The following CRYBG2 variants were observed in gnomAD, a reference collection of about 807,000 sequenced individuals.
CRYBG2 encodes the protein beta/gamma crystallin domain-containing protein 2.
Under a neutral mutation model 153.4 loss-of-function variants are expected in CRYBG2, and 106 were observed. The observed-to-expected ratio is 0.69, with a 90% CI of 0.59 to 0.81. CRYBG2 has a LOEUF of 0.81. Ranked by LOEUF, CRYBG2 falls within the 30% of genes least tolerant of loss-of-function variation. CRYBG2 has a pLI of 0.00. For synonymous variants in CRYBG2, 851 were observed against 877.8 expected, an observed-to-expected ratio of 0.97 and a Z score of 0.54; for missense variants, 1,996 against 2,112.0, an observed-to-expected ratio of 0.95 and a Z score of 1.08.
Position 26,346,539 on chromosome 1 carries a change from G to T in CRYBG2, c.119C>A (p.Ser40Tyr). 1 of 1,612,766 alleles carries T rather than the reference G, an allele frequency of 6.2e-7. No individual in the cohort carries two copies. The highest frequency in any genetic ancestry group is 1.1e-5 in the South Asian group (1 of 90,780). ...TTCCATCTGGGCCCCTGACACCAGG[G>T]ACACCTTGTGAAAACCATGTTTGAT... Reference protein sequence around the residue: ...EEIKHGFHKVSLVSGAQMEAP... With the variant: ...EEIKHGFHKVYLVSGAQMEAP... Residue 40 changes from serine (S) to tyrosine (Y), a missense_variant, in exon 2 of 20, where the codon TCC becomes TAC. Physicochemically the swap from Ser to Tyr is moderately radical, Grantham distance 144. Transcript: ENST00000308182. This position sits in a 1 kb window ranked among gnomAD's most constrained non-coding sequence, Gnocchi z 4.9.
intron 1 of CRYBG2, among the ~76,000 whole-genome samples, chr1:26,347,817 G>A (rs895816057): frequency 2.0e-5 from 3 of 152,098 alleles, no homozygotes; most frequent in African/African-American, 7.2e-5. Context: ...TGTACTTTGA[G>A]GTCTTGTTAT....
At chr1:26,335,308 C>T (rs190485198) in intron 14 of CRYBG2, among the ~76,000 whole-genome samples, 1 of 152,040 alleles carries the variant, frequency 6.6e-6, no homozygotes, top group African/African-American at 2.4e-5. Context: ...GAAACCCCAT[C>T]TCTACTAAAA....
rs371829026 is a variant in CRYBG2, at chr1:26,350,815, A to G, written c.-56+3221T>C. Among the ~76,000 whole-genome samples, 18 of 152,022 alleles carry G rather than the reference A, an allele frequency of 1.2e-4. No homozygotes were observed. The East Asian group carries it at 2.7e-3, about 23-fold the overall frequency. On this transcript the variant is annotated intron_variant, in intron 1 of 19. Coordinates refer to ENST00000308182, the MANE Select transcript of CRYBG2 (RefSeq NM_001039775.4). ...CAGCCCGAGTCTTTGGGCCTTCTCC[A>G]TGAGGTACCCTCCCCTCCCCAAGAG...
At chr1:26,337,163 G>A in intron 10 of CRYBG2, 90 bp downstream of exon 10, 1 of 1,578,940 alleles carries the variant, frequency 6.3e-7, no homozygotes, top group African/African-American at 1.3e-5. Flanking sequence ...AACACGGAGA[G>A]GGGGTACAAA....
chr1:26,336,825 A>G lies in CRYBG2; in HGVS notation c.3911+16T>C. ...TCGCCCGGGCCCGCCCCGCTCCCGG[A>G]GCCCGGGTCACTTACACGCCGCTGA... On this transcript the variant is annotated intron_variant, in intron 11 of 19. Transcript: ENST00000308182. This position sits in a 1 kb window ranked among gnomAD's most constrained non-coding sequence, Gnocchi z 4.9. The G allele has an allele frequency of 6.3e-7, 1 of 1,575,808 alleles. No individual in the cohort carries two copies. Among genetic ancestry groups the G allele is most frequent in the Non-Finnish European group, 8.6e-7 (1 of 1,162,632 alleles).
chr1:26,345,149 A>G lies in CRYBG2; in HGVS notation c.1509T>C (p.Ala503=). 1 of 1,136,852 alleles carries G rather than the reference A, an allele frequency of 8.8e-7. No individual in the cohort carries two copies. 70.4% of individuals were successfully genotyped at this position (1,136,852 alleles called of 1,614,324 possible). ...TWKEVVKGPG[A]PAASSPTQKE... ...TCTGGGTGGGAGATGAGGCAGCAGG[A>G]GCACCAGGGCCCTTCACGACCTCTT... is the stretch of plus-strand genomic sequence containing the variant. The change falls in exon 2 of 20, where the codon GCT becomes GCC. Residue 503 remains alanine, a synonymous_variant. Transcript: ENST00000308182.
At chr1:26,328,470 G>T (rs2073959871) in intron 16 of CRYBG2, 138 bp from the exon 17 acceptor site, 6 of 1,339,336 alleles carry the variant, frequency 4.5e-6, no homozygotes, top group Non-Finnish European at 6.0e-6. Context: ...CCTGGAATAG[G>T]GTTCCCAGGG....
chr1:26,345,891 G>A lies in CRYBG2; in HGVS notation c.767C>T (p.Pro256Leu), dbSNP rs754852876. The change falls in exon 2 of 20, where the codon CCC (proline) becomes CTC (leucine). Residue 256 changes from proline (P) to leucine (L), a missense_variant. Physicochemically the swap from Pro to Leu is moderately conservative, Grantham distance 98. Coordinates refer to ENST00000308182, the MANE Select transcript of CRYBG2 (RefSeq NM_001039775.4). ...HSPPASHLPR[P>L]TAGGPRSTGL... The stretch of plus-strand genomic sequence containing the variant: ...TGTGCTCCTTGGCCCGCCAGCCGTG[G>A]GCCTGGGCAGGTGACTGGCAGGGGG... 6.3e-7 allele frequency: 1 copy of A among 1,597,744 alleles called. No individual in the cohort carries two copies. Among genetic ancestry groups the A allele is most frequent in the Non-Finnish European group, 8.5e-7 (1 of 1,179,604 alleles).
chr1:26,351,649 C>T (rs536646366), intron 1 of CRYBG2, among the ~76,000 whole-genome samples: 3 of 152,286 alleles, frequency 2.0e-5, no homozygotes, highest in African/African-American at 7.2e-5. Flanking sequence ...TCCTACCAAT[C>T]AGAATTTAAC....
At chr1:26,337,223 C>G (rs1271025156) in intron 10 of CRYBG2, 30 bp downstream of exon 10, 3 of 1,612,742 alleles carry the variant, frequency 1.9e-6, no homozygotes, top group African/African-American at 2.7e-5. Flanking sequence ...TGGCCAGAGG[C>G]AGAGGGATGG....
intron 16 of CRYBG2, 157 bp from the exon 17 acceptor site, chr1:26,328,489 G>A: frequency 1.6e-6 from 2 of 1,245,714 alleles, no homozygotes; most frequent in Non-Finnish European, 2.2e-6. Flanking sequence ...GGCGGAGAGG[G>A]AGGCTGGGAA....
At chr1:26,351,879 A>C (rs1299523917) in intron 1 of CRYBG2, among the ~76,000 whole-genome samples, 1 of 152,086 alleles carries the variant, frequency 6.6e-6, no homozygotes, top group Non-Finnish European at 1.5e-5. Flanking sequence ...CCTTGCTCTG[A>C]AGACATACCC....
Position 26,324,296 on chromosome 1 carries a change from G to A in CRYBG2, c.4593C>T (p.Phe1531=). ...LYPIKQRRVY[F]RLWNAALGGF... ...CCCCCAGTGCTGCATTCCAGAGGCG[G>A]AAATAAACCCGGCGCTGGTGGCAGA... The change falls in exon 18 of 20, where the codon TTC becomes TTT. Residue 1531 remains phenylalanine, a synonymous_variant. Transcript: ENST00000308182. The A allele has an allele frequency of 1.2e-6, 2 of 1,607,574 alleles. No homozygotes were observed. The highest frequency in any genetic ancestry group is 2.2e-5 in the South Asian group (2 of 90,986).
Position 26,331,508 on chromosome 1 carries a change from G to A in CRYBG2, c.4295C>T (p.Ser1432Phe). Reference protein sequence around the residue: ...MGCLASTVLGSLQKVSLHFSE... With the variant: ...MGCLASTVLGFLQKVSLHFSE... ...ACTCACCAGGGATACCTTCTGGAGA[G>A]AGCCCAGGACTGTGGAGGCGAGGCA... is the stretch of plus-strand genomic sequence containing the variant. Residue 1432 changes from serine (S) to phenylalanine (F), a missense_variant, in exon 15 of 20, where the codon TCT (serine) becomes TTT (phenylalanine). Ser to Phe is a radical substitution (Grantham distance 155, BLOSUM62 -2). Coordinates refer to ENST00000308182, the MANE Select transcript of CRYBG2 (RefSeq NM_001039775.4). 1.2e-6 allele frequency: 2 copies of A among 1,613,786 alleles called. No individual in the cohort carries two copies. Among genetic ancestry groups the A allele is most frequent in the Non-Finnish European group, 1.7e-6 (2 of 1,179,838 alleles).
chr1:26,330,950 G>T (rs1406278581), intron 15 of CRYBG2, among the ~76,000 whole-genome samples: 2 of 152,196 alleles, frequency 1.3e-5, no homozygotes, highest in African/African-American at 4.8e-5. Flanking sequence ...TCCTACAGAT[G>T]CTAGCCCCTT....
chr1:26,330,419 C>T (rs2073985254), intron 15 of CRYBG2, among the ~76,000 whole-genome samples: 1 of 151,908 alleles, frequency 6.6e-6, no homozygotes, highest in South Asian at 2.1e-4. Context: ...TGCCTGTTAC[C>T]AACTATGTGA....
chr1:26,349,400 C>T (rs2074263207), intron 1 of CRYBG2, among the ~76,000 whole-genome samples: 1 of 152,054 alleles, frequency 6.6e-6, no homozygotes. Flanking sequence ...TCCAGGCATC[C>T]TCCCTCCTAC....
rs759792283 is a variant in CRYBG2, at chr1:26,344,916, T to C, written c.1742A>G (p.Glu581Gly). 7 of 1,536,792 alleles carry C rather than the reference T, an allele frequency of 4.6e-6. No homozygotes were observed. The highest frequency in any genetic ancestry group is 3.5e-6 in the Non-Finnish European group (4 of 1,148,180). ...APAALSTTPK[E>G]VVKGPGAPAA... ...AGGAGCACCAGGGCCCTTCACAACC[T>C]CTTTTGGGGTGGTGGACAAGGCAGC... The change falls in exon 2 of 20, where the codon GAG becomes GGG. Residue 581 changes from glutamate (E) to glycine (G), a missense_variant. Glu to Gly is a moderately conservative substitution (Grantham distance 98). Coordinates refer to ENST00000308182, the MANE Select transcript of CRYBG2 (RefSeq NM_001039775.4).
chr1:26,334,686 A>G (rs754177011), intron 14 of CRYBG2, among the ~76,000 whole-genome samples: 7 of 152,132 alleles, frequency 4.6e-5, no homozygotes, highest in Non-Finnish European at 8.8e-5. Context: ...GCACTTTGGG[A>G]GGCCGAGGGG....
Sources: allele counts gnomAD v4.1 joint callset (sites outside exome capture counted in the v4.1 genomes callset), GRCh38; gene constraint gnomAD v4.1.1; non-coding constraint Gnocchi (gnomAD v3.1); transcripts MANE v1.5; gene names NCBI Gene and HGNC (gene_info 2026-07-23, HGNC 2026-07-21).